FAN1: variants seen among roughly 807,000 people sequenced by gnomAD.
FAN1 encodes the protein fanconi-associated nuclease 1.
A neutral mutation model predicts 104.9 loss-of-function variants in FAN1; 91 were observed. That is an observed-to-expected ratio of 0.87 (90% CI 0.73 to 1.03). The LOEUF (loss-of-function observed/expected upper bound fraction) is 1.03, where lower values mean the gene tolerates loss of function less well. FAN1 is among the 50% of genes least tolerant of loss of function. The pLI is 0.00. For missense variants in FAN1, 1,263 were observed against 1,239.9 expected (o/e 1.02, Z -0.28); for synonymous variants, 478 against 457.6 (o/e 1.04, Z -0.57).
intron 14 of FAN1, 72 bp from the exon 15 acceptor site, chr15:30,941,494 A>G (rs1796397895): frequency 6.2e-7 from 1 of 1,610,538 alleles, no homozygotes; most frequent in African/African-American, 1.3e-5. Flanking sequence ...CTAATGTCTC[A>G]GTAGACAACC....
At chr15:30,918,354 C>CT in intron 6 of FAN1, 59 bp downstream of exon 6, 2 of 1,546,724 alleles carry the variant, frequency 1.3e-6, no homozygotes, top group Non-Finnish European at 8.9e-7. Context: ...GTTCCCAACA[C>CT]TTACAGTAAT....
At chr15:30,939,956 T>G (rs1352103488) in intron 14 of FAN1, 2 of 983,854 alleles carry the variant, frequency 2.0e-6, no homozygotes, top group Non-Finnish European at 2.4e-6. Flanking sequence ...ACTCCTGTCC[T>G]GTTATATCCA....
chr15:30,928,576 T>G lies in FAN1; in HGVS notation c.2512T>G (p.Phe838Val), dbSNP rs2062530486. 5.6e-6 allele frequency: 9 copies of G among 1,609,082 alleles called. No individual in the cohort carries two copies. Among genetic ancestry groups the G allele is most frequent in the Non-Finnish European group, 7.6e-6 (9 of 1,177,846 alleles). The change falls in exon 11 of 15, where the codon TTC (phenylalanine) becomes GTC (valine). Residue 838 changes from phenylalanine to valine, a missense_variant. Coordinates refer to ENST00000362065, the MANE Select transcript of FAN1 (RefSeq NM_014967.5). The stretch of plus-strand genomic sequence containing the variant: ...AGGGATTCATGGCGAAGGGTCCACC[T>G]TCAGCACCCTGTATGGCCTCCTCCT... The part of the protein sequence containing the change: ...DQGIHGEGST[F>V]STLYGLLLWD...
In FAN1 at chr15:30,935,589, C is replaced by T. The variant is rs116316782; in HGVS notation, c.2917-1530C>T. Among the ~76,000 whole-genome samples the T allele has an allele frequency of 3.8e-3, 495 of 129,526 alleles. 2 individuals carry two copies. Among genetic ancestry groups the T allele is most frequent in the African/African-American group, 0.012 (452 of 37,326 alleles). The allele number at this position is 129,526 out of a possible 152,430, so 85.0% of individuals were successfully genotyped here. ...GAAGATGTGCTAGAATATGCAGATG[C>T]GATGCCATTTTATATCAGGGACTTG... On this transcript the variant is annotated intron_variant, in intron 13 of 14. Transcript: ENST00000362065.
At chr15:30,915,830 T>C (rs1016943111) in intron 5 of FAN1, among the ~76,000 whole-genome samples, 10 of 151,826 alleles carry the variant, frequency 6.6e-5, no homozygotes, top group African/African-American at 2.4e-4. Context: ...AAAATTTGGA[T>C]TTCCTTAAAA....
At chr15:30,925,426 G>A in intron 9 of FAN1, 135 bp downstream of exon 9, 1 of 873,974 alleles carries the variant, frequency 1.1e-6, no homozygotes. Context: ...GTTTTGGACG[G>A]CTGTGTGGCC....
intron 13 of FAN1, among the ~76,000 whole-genome samples, chr15:30,931,138 C>T (rs2062699849): frequency 6.6e-6 from 1 of 152,182 alleles, no homozygotes; most frequent in Non-Finnish European, 1.5e-5. Context: ...GCTTAGTTCA[C>T]ATTGCATGCC....
chr15:30,939,442 C>T lies in FAN1; in HGVS notation c.*4-2124C>T, dbSNP rs144062573. 5.7e-5 allele frequency: 56 copies of T among 985,442 alleles called. No individual in the cohort carries two copies. In the African/African-American group the frequency reaches 9.1e-4, roughly 16 times the overall value. 61.0% of individuals were successfully genotyped at this position (985,442 alleles called of 1,614,324 possible). On this transcript the variant is annotated intron_variant, in intron 14 of 14. Coordinates refer to ENST00000362065, the MANE Select transcript of FAN1 (RefSeq NM_014967.5). ...GCAGAGGTGGTATAAGCAGCTTCAC[C>T]CTGGCCCGACTGAAGGCTGTCATAG...
intron 8 of FAN1, among the ~76,000 whole-genome samples, chr15:30,924,281 G>A (rs1009922833): frequency 1.3e-5 from 2 of 152,040 alleles, no homozygotes; most frequent in African/African-American, 2.4e-5. Context: ...CCACCTTTTC[G>A]GCCATTTTGA....
chr15:30,939,807 C>G, intron 14 of FAN1: 1 of 985,254 alleles, frequency 1.0e-6, no homozygotes, highest in Non-Finnish European at 1.2e-6. Context: ...GAGATTGGGT[C>G]TGGTTTCTAA....
chr15:30,919,692 GA>G (rs57795513), intron 6 of FAN1, among the ~76,000 whole-genome samples: 3,648 of 129,310 alleles, frequency 0.028, 63 homozygotes, highest in Non-Finnish European at 0.039. Flanking sequence ...CTGTCTCGGG[GA>G]AAAAAAAAAA....
chr15:30,914,449 C>T (rs1487725483), intron 5 of FAN1, among the ~76,000 whole-genome samples: 1 of 152,176 alleles, frequency 6.6e-6, no homozygotes, highest in Non-Finnish European at 1.5e-5. Flanking sequence ...ACTGTAGCCT[C>T]AACCTCCTGG....
At chr15:30,926,649 A>C in intron 10 of FAN1, 1 of 985,206 alleles carries the variant, frequency 1.0e-6, no homozygotes, top group Non-Finnish European at 1.2e-6. Flanking sequence ...AATGCCAGTG[A>C]AGACAGAGAG....
At chr15:30,936,780 GC>G (rs2062866368) in intron 13 of FAN1, among the ~76,000 whole-genome samples, 1 of 152,216 alleles carries the variant, frequency 6.6e-6, no homozygotes, top group East Asian at 1.9e-4. Context: ...GTAGTTCACT[GC>G]AAACCGTAGA....
At position 30,917,805 on chromosome 15, in the gene FAN1, A is replaced by G. The variant is rs185001275; in HGVS notation, c.1812-359A>G. 1.1e-3 allele frequency among the ~76,000 whole-genome samples: 171 copies of G among 152,324 alleles called. 1 individual carries two copies. Among genetic ancestry groups the G allele is most frequent in the African/African-American group, 3.8e-3 (160 of 41,582 alleles). On this transcript the variant is annotated intron_variant, in intron 5 of 14. Coordinates refer to ENST00000362065, the MANE Select transcript of FAN1 (RefSeq NM_014967.5). Reference sequence around the variant, plus strand: ...TAAATTATCAGATCTACATCTGACTATAATTCTGATGTCACTTACATGTTT... The same window carrying G: ...TAAATTATCAGATCTACATCTGACTGTAATTCTGATGTCACTTACATGTTT...
intron 10 of FAN1, chr15:30,928,287 A>C (rs536537558): frequency 2.3e-4 from 283 of 1,250,356 alleles, no homozygotes; most frequent in Admixed American, 6.4e-4. Context: ...TTTGAGAACC[A>C]CTGCTTTGTG....
intron 4 of FAN1, among the ~76,000 whole-genome samples, chr15:30,912,412 T>TA (rs2062118142): frequency 1.3e-5 from 2 of 152,224 alleles, no homozygotes; most frequent in Admixed American, 6.5e-5. Context: ...AGTCACTGCT[T>TA]AGTTTTCTGT....
intron 12 of FAN1, 103 bp from the exon 13 acceptor site, chr15:30,930,440 A>T: frequency 1.5e-6 from 2 of 1,371,308 alleles, no homozygotes; most frequent in Non-Finnish European, 1.9e-6. Context: ...ATGTGCACTG[A>T]ATTACATATA....
At chr15:30,919,795 C>T (rs1595850241) in intron 6 of FAN1, among the ~76,000 whole-genome samples, 1 of 151,802 alleles carries the variant, frequency 6.6e-6, no homozygotes, top group Admixed American at 6.6e-5. Flanking sequence ...GTTGTCTTTA[C>T]AGCAAATAGG....
Sources: gnomAD v4.1 joint callset for allele counts (sites outside exome capture counted in the v4.1 genomes callset) on GRCh38, gnomAD v4.1.1 for gene constraint, MANE v1.5 for transcripts, NCBI Gene and HGNC (gene_info 2026-07-23, HGNC 2026-07-21) for gene names.